PCDHA3: variants seen among roughly 807,000 people sequenced by gnomAD.
PCDHA3 encodes the protein protocadherin alpha 3.
Under a neutral mutation model 62.2 loss-of-function variants are expected in PCDHA3, and 41 were observed. That is an observed-to-expected ratio of 0.66 (90% CI 0.51 to 0.86). The LOEUF (loss-of-function observed/expected upper bound fraction) is 0.86, where lower values mean the gene tolerates loss of function less well. Among genes scored for constraint, PCDHA3 ranks in the 40% least tolerant of loss-of-function variants. The pLI is 0.00. For synonymous variants in PCDHA3, 640 were observed against 555.4 expected, an observed-to-expected ratio of 1.15 and a Z score of -2.14; for missense variants, 1,304 against 1,241.2, an observed-to-expected ratio of 1.05 and a Z score of -0.76.
At chr5:140,806,997 C>A in intron 1 of PCDHA3, 1 of 702,856 alleles carries the variant, frequency 1.4e-6, no homozygotes, top group Non-Finnish European at 2.3e-6. Context: ...CATGATGTCG[C>A]TCTTTACCAC....
chr5:140,874,187 C>A (rs1554167080), intron 1 of PCDHA3, among the ~76,000 whole-genome samples: 1 of 152,168 alleles, frequency 6.6e-6, no homozygotes, highest in Non-Finnish European at 1.5e-5. Context: ...GTAAAGGTGT[C>A]ATATTTCAGT....
intron 1 of PCDHA3, chr5:140,967,492 G>T (rs1554229617): frequency 3.1e-6 from 5 of 1,613,380 alleles, no homozygotes; most frequent in Non-Finnish European, 4.2e-6. Flanking sequence ...GTACGGCACA[G>T]ATCTCTGTGC....
At chr5:140,872,005 G>A (rs961415529) in intron 1 of PCDHA3, among the ~76,000 whole-genome samples, 3 of 152,200 alleles carry the variant, frequency 2.0e-5, no homozygotes, top group Admixed American at 1.3e-4. Context: ...CTATTTACAG[G>A]TGACCTGTAG....
chr5:140,975,126 A>G (rs1334807357), intron 1 of PCDHA3, among the ~76,000 whole-genome samples: 6 of 152,074 alleles, frequency 3.9e-5, no homozygotes, highest in Admixed American at 2.6e-4. Flanking sequence ...CCTACTTACT[A>G]TTGGCCTGGG....
intron 1 of PCDHA3, chr5:140,875,337 A>C (rs2055422229): frequency 1.6e-5 from 23 of 1,440,366 alleles, no homozygotes; most frequent in Non-Finnish European, 1.7e-5. Context: ...AATAGGATCG[A>C]CTCCATAATG....
chr5:140,978,653 G>A (rs527551897), intron 1 of PCDHA3, among the ~76,000 whole-genome samples: 25 of 152,314 alleles, frequency 1.6e-4, no homozygotes, highest in African/African-American at 5.5e-4. Flanking sequence ...TGTTCTTCCC[G>A]TAGTGTTTTA....
At chr5:140,857,407 G>A (rs372428918) in intron 1 of PCDHA3, 10 of 1,598,382 alleles carry the variant, frequency 6.3e-6, no homozygotes, top group Non-Finnish European at 8.6e-6. Flanking sequence ...ACGCGCCTGC[G>A]TTCGCGCAGT....
chr5:140,808,229 C>T (rs1764129045), intron 1 of PCDHA3: 3 of 1,614,060 alleles, frequency 1.9e-6, no homozygotes, highest in Admixed American at 1.7e-5. Context: ...CGATAATGTC[C>T]CAGATTTGGA....
intron 1 of PCDHA3, among the ~76,000 whole-genome samples, chr5:140,965,232 G>C (rs192008157): frequency 6.6e-5 from 10 of 152,194 alleles, no homozygotes; most frequent in Non-Finnish European, 1.0e-4. Context: ...GTGAGAACCT[G>C]GGAAGAGTGA....
intron 1 of PCDHA3, chr5:140,807,106 C>A: frequency 2.1e-6 from 3 of 1,458,318 alleles, no homozygotes; most frequent in Non-Finnish European, 2.8e-6. Context: ...GAGGATGCAG[C>A]TGCACTTGAC....
intron 1 of PCDHA3, chr5:140,815,407 T>TA (rs1765720379): frequency 1.3e-5 from 2 of 152,120 alleles, no homozygotes; most frequent in South Asian, 4.1e-4. Context: ...AAAACTCTTA[T>TA]AAAAATGTAT....
At chr5:140,833,313 C>T (rs1412799485) in intron 1 of PCDHA3, among the ~76,000 whole-genome samples, 1 of 152,176 alleles carries the variant, frequency 6.6e-6, no homozygotes, top group Non-Finnish European at 1.5e-5. Context: ...AATTATTTTA[C>T]ATGCCATTGG....
chr5:140,860,977 T>A (rs1314844613), intron 1 of PCDHA3: 1 of 152,212 alleles, frequency 6.6e-6, no homozygotes, highest in African/African-American at 2.4e-5. Flanking sequence ...GACCTCGTGA[T>A]CCACCGGCCT....
intron 1 of PCDHA3, among the ~76,000 whole-genome samples, chr5:140,831,814 A>G (rs1771713108): frequency 6.6e-6 from 1 of 152,202 alleles, no homozygotes; most frequent in Non-Finnish European, 1.5e-5. Context: ...TAAAGTTGGA[A>G]TGATAAACAC....
chr5:140,928,942 T>C lies in PCDHA3; in HGVS notation c.2395-50007T>C. The stretch of plus-strand genomic sequence containing the variant: ...GCAGCTTTCTGCCCAGAACTTGTAT[T>C]TAGTAATTGCCTTGGCTTGTATTTC... On this transcript the variant is annotated intron_variant, in intron 1 of 3. Transcript: ENST00000522353. 4 of 1,614,060 alleles carry C rather than the reference T, an allele frequency of 2.5e-6. No individual in the cohort carries two copies. The South Asian group carries it at 4.4e-5, about 18-fold the overall frequency.
intron 1 of PCDHA3, among the ~76,000 whole-genome samples, chr5:140,938,910 C>T (rs1467187970): frequency 6.6e-6 from 1 of 152,012 alleles, no homozygotes; most frequent in African/African-American, 2.4e-5. Context: ...CACACACACA[C>T]GCACAAGAAA....
Position 140,808,468 on chromosome 5 carries a change from G to C in PCDHA3, c.2394+4877G>C, listed in dbSNP as rs782622784. The C allele has an allele frequency of 4.3e-6, 7 of 1,614,178 alleles. No individual in the cohort carries two copies. The South Asian group carries it at 4.4e-5, about 10-fold the overall frequency. ...CAGCCTATGAGCTGGTGGTGACCGC[G>C]CGAGACGGGGGCTCGCCTTCGCTGT... On this transcript the variant is annotated intron_variant, in intron 1 of 3. Coordinates refer to ENST00000522353, the MANE Select transcript of PCDHA3 (RefSeq NM_018906.3).
intron 1 of PCDHA3, among the ~76,000 whole-genome samples, chr5:140,945,071 C>A (rs246061): frequency 0.56 from 85,726 of 151,850 alleles, 24,797 homozygotes; most frequent in African/African-American, 0.69. Context: ...CAGACTCCAC[C>A]AAAACACTCT....
At chr5:140,925,682 G>A (rs1554202871) in intron 1 of PCDHA3, among the ~76,000 whole-genome samples, 1 of 122,672 alleles carries the variant, frequency 8.2e-6, no homozygotes, top group Non-Finnish European at 1.8e-5. Context: ...ATAATAAAGC[G>A]AGGGTGGGTA....
Sources: allele counts gnomAD v4.1 joint callset (sites outside exome capture counted in the v4.1 genomes callset), GRCh38; gene constraint gnomAD v4.1.1; transcripts MANE v1.5; gene names NCBI Gene and HGNC (gene_info 2026-07-23, HGNC 2026-07-21).